PRKN: variants seen among roughly 807,000 people sequenced by gnomAD.
PRKN encodes parkin RBR E3 ubiquitin protein ligase.
Under a neutral mutation model 59.5 loss-of-function variants are expected in PRKN, and 56 were observed. The ratio of observed to expected loss-of-function variants is 0.94; its 90% confidence interval spans 0.76 to 1.18. The LOEUF is 1.18. Ranked by LOEUF, PRKN falls within the 50% of genes most tolerant of loss-of-function variation. PRKN has a pLI of 0.00. For missense variants in PRKN, 657 were observed against 596.4 expected, an observed-to-expected ratio of 1.10 and a Z score of -1.06; for synonymous variants, 250 against 222.1, an observed-to-expected ratio of 1.13 and a Z score of -1.12.
intron 1 of PRKN, among the ~76,000 whole-genome samples, chr6:162,705,743 C>A (rs1273323711): frequency 6.6e-6 from 1 of 152,110 alleles, no homozygotes; most frequent in Non-Finnish European, 1.5e-5. Flanking sequence ...AATTTTTAAG[C>A]CCCTATTCTG....
chr6:162,322,258 TAC>T lies in PRKN; in HGVS notation c.172-59495_172-59494del, dbSNP rs373948092. Among the ~76,000 whole-genome samples the T allele has an allele frequency of 1.7e-3, 257 of 152,182 alleles. 5 individuals carry two copies. In the East Asian group the frequency reaches 0.023, roughly 14 times the overall value. ...ATTTACAAACAGTTTGTGTGAATTG[TAC>T]ACTGAAAAGTATAAAACATTGCTGA... is the stretch of plus-strand genomic sequence containing the variant. On this transcript the variant is annotated intron_variant, in intron 2 of 11. Transcript: ENST00000366898.
intron 6 of PRKN, among the ~76,000 whole-genome samples, chr6:161,796,188 T>C (rs1264937554): frequency 3.3e-5 from 5 of 152,322 alleles, no homozygotes; most frequent in Admixed American, 6.5e-5. Context: ...ATTTCAGTCC[T>C]GGAAGATACC....
intron 7 of PRKN, among the ~76,000 whole-genome samples, chr6:161,687,445 C>CT (rs895940232): frequency 3.2e-5 from 4 of 125,276 alleles, no homozygotes; most frequent in South Asian, 2.9e-4. Context: ...TAAGATATAT[C>CT]TTTTTTTTTA....
chr6:161,746,748 C>CACAG (rs202170007), intron 7 of PRKN, among the ~76,000 whole-genome samples: 3,461 of 144,198 alleles, frequency 0.024, 158 homozygotes, highest in African/African-American at 0.085. Flanking sequence ...TCTAGATATG[C>CACAG]ACATATATAT....
In PRKN at chr6:161,429,634, T is replaced by C. The variant is rs1433355306; in HGVS notation, c.1084-42757A>G. Among the ~76,000 whole-genome samples the C allele has an allele frequency of 6.6e-6, 1 of 152,102 alleles. No homozygotes were observed. The highest frequency in any genetic ancestry group is 2.4e-5 in the African/African-American group (1 of 41,402). ...GAGGCCACGGAGATGGCTGCTGGTT[T>C]CAGGTTTGGGCCACAAGTAGATCAA... is the stretch of plus-strand genomic sequence containing the variant. On this transcript the variant is annotated intron_variant, in intron 9 of 11. Coordinates refer to ENST00000366898, the MANE Select transcript of PRKN (RefSeq NM_004562.3). This position sits in a 1 kb window ranked among gnomAD's most constrained non-coding sequence, Gnocchi z 4.2.
At chr6:162,218,793 C>T (rs1045954273) in intron 3 of PRKN, among the ~76,000 whole-genome samples, 2 of 152,070 alleles carry the variant, frequency 1.3e-5, no homozygotes, top group African/African-American at 4.8e-5. Context: ...GCACATGGGC[C>T]TCCACTCATG....
intron 1 of PRKN, among the ~76,000 whole-genome samples, chr6:162,530,961 G>T (rs974531285): frequency 2.7e-5 from 4 of 150,724 alleles, no homozygotes; most frequent in Non-Finnish European, 2.9e-5. Context: ...GTAGCCTGAG[G>T]CAGGAGAATT....
At chr6:162,225,757 T>A (rs1778142249) in intron 3 of PRKN, among the ~76,000 whole-genome samples, 1 of 152,020 alleles carries the variant, frequency 6.6e-6, no homozygotes, top group African/African-American at 2.4e-5. Flanking sequence ...ATGTAGCTGA[T>A]GTGTTTAACT....
chr6:162,603,356 TC>T (rs1276853242), intron 1 of PRKN, among the ~76,000 whole-genome samples: 1 of 152,160 alleles, frequency 6.6e-6, no homozygotes, highest in Non-Finnish European at 1.5e-5. Flanking sequence ...CTTCAGCTTT[TC>T]CCCTAAGCCA....
At position 162,675,296 on chromosome 6, in the gene PRKN, G is replaced by A. The variant is rs564333913; in HGVS notation, c.7+52366C>T. 1.6e-4 allele frequency among the ~76,000 whole-genome samples: 25 copies of A among 151,990 alleles called. No homozygotes were observed. The South Asian group carries it at 4.2e-3, about 25-fold the overall frequency. On this transcript the variant is annotated intron_variant, in intron 1 of 11. Transcript: ENST00000366898. The stretch of plus-strand genomic sequence containing the variant: ...ATCTCTTGACCTCATGATCCCCCCC[G>A]CCTCGGCCTCCCAAAGTGCCGGGAT...
At chr6:161,640,788 C>T (rs1385525855) in intron 7 of PRKN, among the ~76,000 whole-genome samples, 6 of 152,154 alleles carry the variant, frequency 3.9e-5, no homozygotes, top group Non-Finnish European at 8.8e-5. Flanking sequence ...GTATTTTACA[C>T]AGTTTTCTCA....
At chr6:162,591,603 A>C (rs1337250300) in intron 1 of PRKN, among the ~76,000 whole-genome samples, 1 of 152,146 alleles carries the variant, frequency 6.6e-6, no homozygotes, top group Admixed American at 6.5e-5. Context: ...TTAATACCAA[A>C]TATCACCTAA....
intron 4 of PRKN, among the ~76,000 whole-genome samples, chr6:162,170,574 A>G (rs1029998433): frequency 6.6e-6 from 1 of 152,236 alleles, no homozygotes; most frequent in Non-Finnish European, 1.5e-5. Context: ...CATTAAAAGT[A>G]TAACAGGTCA....
intron 1 of PRKN, among the ~76,000 whole-genome samples, chr6:162,710,149 C>T (rs1365250894): frequency 1.3e-5 from 2 of 151,938 alleles, no homozygotes; most frequent in Non-Finnish European, 2.9e-5. Flanking sequence ...GGTCTTTGTG[C>T]GGACCATCAA....
rs17573347 is a variant in PRKN at position 161,560,257 on chromosome 6, T to G, written c.933+9098A>C. On this transcript the variant is annotated intron_variant, in intron 8 of 11. Coordinates refer to ENST00000366898, the MANE Select transcript of PRKN (RefSeq NM_004562.3). The surrounding 1 kb of genome is among the most constrained non-coding windows in gnomAD (Gnocchi z 4.9). ...GTTTCCCTGTCCACACTGACTTAAC[T>G]GAAACTGATCCATCTCCCTTGCAAC... 0.066 allele frequency among the ~76,000 whole-genome samples: 10,055 copies of G among 152,260 alleles called. 417 individuals are homozygous for G. The highest frequency in any genetic ancestry group is 0.11 in the African/African-American group (4,468 of 41,526).
At chr6:161,815,039 C>A (rs1252748739) in intron 6 of PRKN, among the ~76,000 whole-genome samples, 1 of 152,092 alleles carries the variant, frequency 6.6e-6, no homozygotes, top group East Asian at 1.9e-4. Flanking sequence ...GAGAAAAACT[C>A]TCTCTAGGTG....
At chr6:161,910,900 T>C (rs1778335958) in intron 6 of PRKN, among the ~76,000 whole-genome samples, 1 of 152,166 alleles carries the variant, frequency 6.6e-6, no homozygotes, top group African/African-American at 2.4e-5. Context: ...GTTTTAGCAA[T>C]AAAGTATTTT....
chr6:161,981,500 C>A (rs1159366050), intron 5 of PRKN, among the ~76,000 whole-genome samples: 1 of 152,072 alleles, frequency 6.6e-6, no homozygotes, highest in Admixed American at 6.6e-5. Flanking sequence ...GGCAACATAG[C>A]AAGACCCTGT....
Position 161,356,571 on chromosome 6 carries a change from G to A in PRKN, c.1285+3517C>T, listed in dbSNP as rs529171336. On this transcript the variant is annotated intron_variant, in intron 11 of 11. Coordinates refer to ENST00000366898, the MANE Select transcript of PRKN (RefSeq NM_004562.3). The surrounding 1 kb of genome is among the most constrained non-coding windows in gnomAD (Gnocchi z 7.8). ...GGCGGGCAAGCAGGGCACTGGCTGGGGACGTGGAGTCAGAGGTGGGCAGAC... is the reference window on the plus strand; with the variant it reads ...GGCGGGCAAGCAGGGCACTGGCTGGAGACGTGGAGTCAGAGGTGGGCAGAC... Among the ~76,000 whole-genome samples the A allele has an allele frequency of 6.6e-6, 1 of 152,284 alleles. No individual in the cohort carries two copies. The highest frequency in any genetic ancestry group is 2.1e-4 in the South Asian group (1 of 4,830).
Sources: gnomAD v4.1 joint callset for allele counts (sites outside exome capture counted in the v4.1 genomes callset) on GRCh38, gnomAD v4.1.1 for gene constraint, Gnocchi (gnomAD v3.1) non-coding constraint, MANE v1.5 for transcripts, NCBI Gene and HGNC (gene_info 2026-07-23, HGNC 2026-07-21) for gene names.